The following FER1L5 variants were observed in gnomAD, a reference collection of about 807,000 sequenced individuals.
FER1L5 encodes fer-1-like protein 5.
A neutral mutation model predicts 279.9 loss-of-function variants in FER1L5; 187 were observed. The observed-to-expected ratio is 0.67, with a 90% CI of 0.59 to 0.75. FER1L5 has a LOEUF of 0.75. Among genes scored for constraint, FER1L5 ranks in the 30% least tolerant of loss-of-function variants. FER1L5 has a pLI of 0.00. For missense variants in FER1L5, 2,091 were observed against 2,594.4 expected (o/e 0.81, Z 4.21); for synonymous variants, 921 against 989.7 (o/e 0.93, Z 1.30).
Position 96,691,442 on chromosome 2 carries a change from C to T in FER1L5, c.2908-3C>T, listed in dbSNP as rs751923648. The stretch of plus-strand genomic sequence containing the variant: ...CACAACCCTGCTCTCCTCCCCACCA[C>T]AGGGCCTGGCCAAGGGCGAGGAGGA... On this transcript the variant is annotated splice_region_variant and splice_polypyrimidine_tract_variant and intron_variant, in intron 28 of 52. Transcript: ENST00000624922. This position sits in a 1 kb window ranked among gnomAD's most constrained non-coding sequence, Gnocchi z 6.0. 6.5e-7 allele frequency: 1 copy of T among 1,537,280 alleles called. No homozygotes were observed. Among genetic ancestry groups the T allele is most frequent in the South Asian group, 1.2e-5 (1 of 82,294 alleles).
intron 9 of FER1L5, among the ~76,000 whole-genome samples, chr2:96,659,465 C>CTTTCTTTCT: frequency 3.9e-5 from 1 of 25,416 alleles, no homozygotes; most frequent in South Asian, 2.5e-3. Flanking sequence ...TTCTTTCTTT[C>CTTTCTTTCT]TTTCTTTCTT....
In FER1L5 at chr2:96,694,116, C is replaced by G; in HGVS notation, c.3636+44C>G. ...TGGCTGGGAAGTGTGGCACTCAGTG[C>G]CCCTCCCCGTCCCACCCCCAGCCAG... On this transcript the variant is annotated intron_variant, in intron 33 of 52. Coordinates refer to ENST00000624922, the MANE Select transcript of FER1L5 (RefSeq NM_001293083.2). This position sits in a 1 kb window ranked among gnomAD's most constrained non-coding sequence, Gnocchi z 4.6. 1.3e-6 allele frequency: 2 copies of G among 1,508,106 alleles called. No homozygotes were observed. The highest frequency in any genetic ancestry group is 1.8e-6 in the Non-Finnish European group (2 of 1,131,314). The allele number at this position is 1,508,106 out of a possible 1,614,324, so 93.4% of individuals were successfully genotyped here. A position where few individuals can be genotyped will look rare whatever the true frequency, so the allele number is the denominator to read the frequency against.
intron 34 of FER1L5, chr2:96,695,227 C>T (rs1003000338): frequency 4.6e-5 from 18 of 394,388 alleles, no homozygotes; most frequent in Admixed American, 1.3e-4. Flanking sequence ...GCAATGCCTG[C>T]GGGCTATGGA....
At chr2:96,658,445 T>C (rs748508034) in intron 9 of FER1L5, among the ~76,000 whole-genome samples, 4 of 150,870 alleles carry the variant, frequency 2.7e-5, no homozygotes, top group Non-Finnish European at 4.4e-5. Flanking sequence ...GCCTCCCGAG[T>C]AGCTGGGATT....
Position 96,687,948 on chromosome 2 carries a change from G to A in FER1L5, c.2361+1G>A. 6.4e-7 allele frequency: 1 copy of A among 1,550,996 alleles called. No individual in the cohort carries two copies. The highest frequency in any genetic ancestry group is 8.7e-7 in the Non-Finnish European group (1 of 1,146,932). On this transcript the variant is annotated splice_donor_variant, in intron 24 of 52. Coordinates refer to ENST00000624922, the MANE Select transcript of FER1L5 (RefSeq NM_001293083.2). LOFTEE classifies it high-confidence loss of function. ...TGACACAGCGGTGTACGCCGAGATG[G>A]TGAGTGGTGAGCGGCAGCCCAAGGC...
chr2:96,651,432 C>T (rs2075376566), intron 6 of FER1L5, among the ~76,000 whole-genome samples: 1 of 138,952 alleles, frequency 7.2e-6, no homozygotes, highest in Admixed American at 7.9e-5. Context: ...TCCTTCCTTC[C>T]TCCCTCCCTT....
intron 9 of FER1L5, 131 bp from the exon 10 acceptor site, chr2:96,660,210 G>A: frequency 1.1e-6 from 1 of 894,306 alleles, no homozygotes; most frequent in Non-Finnish European, 1.8e-6. Flanking sequence ...TCAGGCTGCT[G>A]TAAAGATGAA....
In FER1L5 at chr2:96,660,259, T is replaced by C. The variant is rs1370329274; in HGVS notation, c.748-82T>C. ...GAGAACATACTGAAGCCCCAACAGC[T>C]AGCAGTTGGGTCAGGTTAGTTGGTA... On this transcript the variant is annotated intron_variant, in intron 9 of 52. Transcript: ENST00000624922. 3.5e-6 allele frequency: 5 copies of C among 1,437,102 alleles called. No homozygotes were observed. The East Asian group carries it at 1.2e-4, about 36-fold the overall frequency. The allele number at this position is 1,437,102 out of a possible 1,614,324, so 89.0% of individuals were successfully genotyped here. A position where few individuals can be genotyped will look rare whatever the true frequency, so the allele number is the denominator to read the frequency against.
At position 96,698,218 on chromosome 2, in the gene FER1L5, C is replaced by T. The variant is rs115395843; in HGVS notation, c.4356+62C>T. 1.3e-4 allele frequency: 195 copies of T among 1,513,202 alleles called. No individual in the cohort carries two copies. The African/African-American group carries it at 1.6e-3, about 12-fold the overall frequency. 93.7% of individuals were successfully genotyped at this position (1,513,202 alleles called of 1,614,324 possible). ...TTGTGCACCTTCTGTCCCTGGAAAA[C>T]GAATAAAAGCCCTGGCTCTATATGC... On this transcript the variant is annotated intron_variant, in intron 40 of 52. Coordinates refer to ENST00000624922, the MANE Select transcript of FER1L5 (RefSeq NM_001293083.2). This position sits in a 1 kb window ranked among gnomAD's most constrained non-coding sequence, Gnocchi z 5.5.
At chr2:96,661,506 C>T in intron 11 of FER1L5, 66 bp downstream of exon 11, 18 of 1,512,590 alleles carry the variant, frequency 1.2e-5, no homozygotes, top group Non-Finnish European at 1.6e-5. Context: ...CCCTGGGCCT[C>T]ACCCTGGATA....
chr2:96,642,878 A>T lies in FER1L5; in HGVS notation c.42A>T (p.Pro14=), dbSNP rs534849423. ...LVVQSAKIDP[P]LAPLPRPCMS... is the part of the protein sequence containing the mutation. ...TGCAGTCGGCCAAGATTGACCCACC[A>T]CTAGCCCCACTACCCAGGCCCTGCA... The change falls in exon 1 of 53, where the codon CCA becomes CCT. Residue 14 remains proline, a synonymous_variant. Transcript: ENST00000624922. The T allele has an allele frequency of 5.8e-6, 9 of 1,551,152 alleles. No individual in the cohort carries two copies. Among genetic ancestry groups the T allele is most frequent in the African/African-American group, 1.4e-5 (1 of 73,004 alleles).
At chr2:96,659,428 T>C (rs1294949061) in intron 9 of FER1L5, among the ~76,000 whole-genome samples, 131 of 14,284 alleles carry the variant, frequency 9.2e-3, no homozygotes, top group Non-Finnish European at 0.013. Context: ...TTTCTTTCTT[T>C]CTTTCTTTCT....
At chr2:96,667,165 A>G (rs2076153713) in intron 14 of FER1L5, among the ~76,000 whole-genome samples, 1 of 152,098 alleles carries the variant, frequency 6.6e-6, no homozygotes, top group Admixed American at 6.6e-5. Context: ...AACTGCATGT[A>G]GCATGAGAAC....
At chr2:96,686,621 G>A (rs187688907) in intron 23 of FER1L5, among the ~76,000 whole-genome samples, 2 of 152,150 alleles carry the variant, frequency 1.3e-5, no homozygotes, top group Non-Finnish European at 2.9e-5. Flanking sequence ...TTGGGAGGCT[G>A]AGGCGGGTGG....
At chr2:96,665,323 TC>T (rs2076091394) in intron 14 of FER1L5, among the ~76,000 whole-genome samples, 1 of 152,156 alleles carries the variant, frequency 6.6e-6, no homozygotes, top group South Asian at 2.1e-4. Context: ...TCCTGTGAAC[TC>T]CCCTCCTTGC....
intron 19 of FER1L5, among the ~76,000 whole-genome samples, chr2:96,681,647 G>A (rs968798307): frequency 1.2e-4 from 19 of 152,050 alleles, no homozygotes; most frequent in African/African-American, 3.9e-4. Flanking sequence ...TTTGTGCAGT[G>A]TGTTCATAGA....
chr2:96,691,230 C>T lies in FER1L5; in HGVS notation c.2784C>T (p.Pro928=). ...YGVGIPPSGL[P]QVWSPVEKTY... ...TGGGGATCCCACCGTCGGGCCTGCC[C>T]CAGGTCTGGAGCCCGGTGGAGAAGA... The change falls in exon 28 of 53, where the codon CCC becomes CCT. Residue 928 remains proline (P), a synonymous_variant. Transcript: ENST00000624922. The surrounding 1 kb of genome is among the most constrained non-coding windows in gnomAD (Gnocchi z 6.0). 6.5e-7 allele frequency: 1 copy of T among 1,550,342 alleles called. No homozygotes were observed. Among genetic ancestry groups the T allele is most frequent in the Non-Finnish European group, 8.7e-7 (1 of 1,146,844 alleles).
chr2:96,645,268 C>G (rs2075067879), intron 1 of FER1L5, among the ~76,000 whole-genome samples: 1 of 152,184 alleles, frequency 6.6e-6, no homozygotes, highest in South Asian at 2.1e-4. Flanking sequence ...ACACAGCTCT[C>G]CTGGGTAGCT....
chr2:96,659,685 G>A (rs1201228094), intron 9 of FER1L5, among the ~76,000 whole-genome samples: 1 of 149,288 alleles, frequency 6.7e-6, no homozygotes, highest in Non-Finnish European at 1.5e-5. Flanking sequence ...TAGAGACAAG[G>A]TTTCACTGCG....
Sources: gnomAD v4.1 joint callset for allele counts (sites outside exome capture counted in the v4.1 genomes callset) on GRCh38, gnomAD v4.1.1 for gene constraint, Gnocchi (gnomAD v3.1) non-coding constraint, MANE v1.5 for transcripts, NCBI Gene and HGNC (gene_info 2026-07-23, HGNC 2026-07-21) for gene names.